Variants in ABCC6 observed in about 807,000 individuals in gnomAD.
ABCC6 encodes the protein ATP binding cassette subfamily C member 6, also known as ATP-binding cassette sub-family C member 6.
A neutral mutation model predicts 169.5 loss-of-function variants in ABCC6; 126 were observed. The observed-to-expected ratio is 0.74, with a 90% CI of 0.64 to 0.86. The LOEUF (loss-of-function observed/expected upper bound fraction) is 0.86. ABCC6 is among the 40% of genes least tolerant of loss of function. ABCC6 has a pLI of 0.00. For synonymous variants in ABCC6, 752 were observed against 814.7 expected, an observed-to-expected ratio of 0.92 and a Z score of 1.31; for missense variants, 1,733 against 1,927.2, an observed-to-expected ratio of 0.90 and a Z score of 1.89.
intron 12 of ABCC6, 39 bp downstream of exon 12, chr16:16,190,125 C>T (rs1247454286): frequency 2.5e-6 from 4 of 1,608,096 alleles, no homozygotes; most frequent in Non-Finnish European, 2.5e-6. Context: ...CGCACTCCTT[C>T]CCCAGTGCTG....
intron 22 of ABCC6, 136 bp downstream of exon 22, chr16:16,169,510 C>G: frequency 9.7e-7 from 1 of 1,031,742 alleles, no homozygotes; most frequent in South Asian, 1.4e-5. Context: ...GGACGCAGAT[C>G]TTTGCCTGGA....
At chr16:16,201,673 T>C (rs2048238269) in intron 9 of ABCC6, among the ~76,000 whole-genome samples, 1 of 151,944 alleles carries the variant, frequency 6.6e-6, no homozygotes, top group African/African-American at 2.4e-5. Flanking sequence ...ACCAAAAATA[T>C]AAAAATTAGC....
intron 8 of ABCC6, among the ~76,000 whole-genome samples, chr16:16,202,849 G>A (rs1486595201): frequency 2.6e-5 from 4 of 152,190 alleles, no homozygotes; most frequent in African/African-American, 4.8e-5. Context: ...CTACAAAACC[G>A]GCTTTGGCCA....
At position 16,203,496 on chromosome 16, in the gene ABCC6, C is replaced by A; in HGVS notation, c.912G>T (p.Trp304Cys). ...GGAGGAAGGTAGAATGGAACACCTG[C>A]CAGATGGCCTTCAGCAGTGGGCGCC... The part of the protein sequence containing the change: ...SQWRPLLKAI[W>C]QVFHSTFLLG... The change falls in exon 8 of 31, where the codon TGG becomes TGT. Residue 304 changes from tryptophan (W) to cysteine (C), a missense_variant. Transcript: ENST00000205557. 1.2e-6 allele frequency: 2 copies of A among 1,613,978 alleles called. No individual in the cohort carries two copies. The highest frequency in any genetic ancestry group is 1.7e-6 in the Non-Finnish European group (2 of 1,179,872).
intron 6 of ABCC6, among the ~76,000 whole-genome samples, chr16:16,209,297 T>C (rs1372630129): frequency 1.3e-5 from 2 of 152,182 alleles, no homozygotes; most frequent in Non-Finnish European, 2.9e-5. Flanking sequence ...TTGGCCAGAC[T>C]GGTCTCGAAC....
chr16:16,211,654 A>G (rs4581720), intron 6 of ABCC6, among the ~76,000 whole-genome samples: 11 of 152,182 alleles, frequency 7.2e-5, no homozygotes, highest in Non-Finnish European at 1.2e-4. Flanking sequence ...CCGTGTGGTT[A>G]GGAGAGAGCA....
chr16:16,162,932 G>A, intron 24 of ABCC6, 61 bp downstream of exon 24: 1 of 1,605,398 alleles, frequency 6.2e-7, no homozygotes, highest in Non-Finnish European at 8.5e-7. Flanking sequence ...TATGACCTCA[G>A]GTCTCACCCT....
chr16:16,149,893 G>T lies in ABCC6; in HGVS notation c.*240C>A. On this transcript the variant is annotated 3_prime_UTR_variant, in exon 31 of 31. Coordinates refer to ENST00000205557, the MANE Select transcript of ABCC6 (RefSeq NM_001171.6). The stretch of plus-strand genomic sequence containing the variant: ...GGGGCTGAGAGTCGCTGTTGACATT[G>T]GCTGCAGGGTGGACAGGGCGAGATG... The T allele has an allele frequency of 1.6e-6, 1 of 607,666 alleles. No homozygotes were observed. 37.6% of individuals were successfully genotyped at this position (607,666 alleles called of 1,614,324 possible).
chr16:16,185,156 C>T, intron 14 of ABCC6, 122 bp from the exon 15 acceptor site: 1 of 914,528 alleles, frequency 1.1e-6, no homozygotes. Flanking sequence ...AGAAATCTCT[C>T]CCACTGAACA....
chr16:16,194,416 T>G (rs962273232), intron 10 of ABCC6, among the ~76,000 whole-genome samples: 2 of 152,228 alleles, frequency 1.3e-5, no homozygotes, highest in African/African-American at 4.8e-5. Context: ...AAACTCACAC[T>G]TCACTGAATG....
intron 14 of ABCC6, 22 bp downstream of exon 14, chr16:16,187,102 T>G: frequency 7.5e-7 from 1 of 1,331,276 alleles, no homozygotes; most frequent in Non-Finnish European, 1.0e-6. Context: ...CCCACACCCC[T>G]CCTGCCAGAC....
In ABCC6 at chr16:16,182,920, T is replaced by C; in HGVS notation, c.1954A>G (p.Thr652Ala). 6.2e-7 allele frequency: 1 copy of C among 1,613,942 alleles called. No individual in the cohort carries two copies. Among genetic ancestry groups the C allele is most frequent in the South Asian group, 1.1e-5 (1 of 91,066 alleles). ...SPPCLHRINLTVPQGCLLAVV... is the reference protein window; with the variant it reads ...SPPCLHRINLAVPQGCLLAVV... ...GCCAGCAGACAGCCCTGGGGCACCG[T>C]GAGGTTTATTCTGGACACGCAAGAG... Residue 652 changes from threonine to alanine, a missense_variant, in exon 16 of 31, where the codon ACG (threonine) becomes GCG (alanine). Physicochemically the swap from Thr to Ala is moderately conservative, Grantham distance 58. Coordinates refer to ENST00000205557, the MANE Select transcript of ABCC6 (RefSeq NM_001171.6).
chr16:16,165,094 G>T (rs1206532185), intron 23 of ABCC6, among the ~76,000 whole-genome samples: 1 of 152,192 alleles, frequency 6.6e-6, no homozygotes. Context: ...AACATTACGC[G>T]TGAAAGGCTC....
rs1283456699 is a variant in ABCC6 at position 16,161,414 on chromosome 16, C to G, written c.3633+24G>C. On this transcript the variant is annotated intron_variant, in intron 25 of 30. Coordinates refer to ENST00000205557, the MANE Select transcript of ABCC6 (RefSeq NM_001171.6). ...CTCTGCCTCTGTCTGTCCCTCAAGCCCAGTTTGGGGATGTGGGGAGTACCT... is the reference window on the plus strand; with the variant it reads ...CTCTGCCTCTGTCTGTCCCTCAAGCGCAGTTTGGGGATGTGGGGAGTACCT... The G allele has an allele frequency of 5.6e-6, 9 of 1,613,520 alleles. No individual in the cohort carries two copies. The South Asian group carries it at 8.8e-5, about 16-fold the overall frequency.
At chr16:16,218,194 G>A (rs1183647067) in intron 4 of ABCC6, among the ~76,000 whole-genome samples, 1 of 143,272 alleles carries the variant, frequency 7.0e-6, no homozygotes, top group Non-Finnish European at 1.5e-5. Context: ...CTGAAGAAAT[G>A]ATCTGTGAGT....
At chr16:16,169,211 G>T (rs2046978435) in intron 22 of ABCC6, among the ~76,000 whole-genome samples, 1 of 152,240 alleles carries the variant, frequency 6.6e-6, no homozygotes, top group South Asian at 2.1e-4. Flanking sequence ...TGGGCAGACT[G>T]TTCAAGGTAG....
At chr16:16,163,422 C>T (rs1205770971) in intron 23 of ABCC6, among the ~76,000 whole-genome samples, 1 of 152,086 alleles carries the variant, frequency 6.6e-6, no homozygotes, top group Non-Finnish European at 1.5e-5. Context: ...CCTCTAATGC[C>T]CCACCCCAGA....
At position 16,177,602 on chromosome 16, in the gene ABCC6, G is replaced by A; in HGVS notation, c.2440C>T (p.Leu814Phe). The A allele has an allele frequency of 1.2e-6, 2 of 1,614,230 alleles. No homozygotes were observed. The highest frequency in any genetic ancestry group is 1.7e-6 in the Non-Finnish European group (2 of 1,180,054). The change falls in exon 19 of 31, where the codon CTC becomes TTC. Residue 814 changes from leucine (L) to phenylalanine (F), a missense_variant. Coordinates refer to ENST00000205557, the MANE Select transcript of ABCC6 (RefSeq NM_001171.6). ...GTTRILVTHA[L>F]HILPQADWII... ...CAATCAGCCTGGGGCAGGATGTGGAGTGCGTGCGTCACGAGAATCCGTGTC... is the reference window on the plus strand; with the variant it reads ...CAATCAGCCTGGGGCAGGATGTGGAATGCGTGCGTCACGAGAATCCGTGTC...
At chr16:16,182,956 A>G (rs2047528165) in intron 15 of ABCC6, 26 bp from the exon 16 acceptor site, 4 of 1,613,882 alleles carry the variant, frequency 2.5e-6, no homozygotes, top group Non-Finnish European at 3.4e-6. Context: ...GGGAGACATG[A>G]CCTTGGTTAG....
Sources: gnomAD v4.1 joint callset for allele counts (sites outside exome capture counted in the v4.1 genomes callset) on GRCh38, gnomAD v4.1.1 for gene constraint, MANE v1.5 for transcripts, NCBI Gene and HGNC (gene_info 2026-07-23, HGNC 2026-07-21) for gene names.